Variants in PARD3 observed in about 807,000 individuals in gnomAD.
PARD3 encodes partitioning defective 3 homolog.
PARD3 carries 75 observed loss-of-function variants against 155.4 expected under a neutral mutation model. The ratio of observed to expected loss-of-function variants is 0.48; its 90% confidence interval spans 0.40 to 0.58. The LOEUF (loss-of-function observed/expected upper bound fraction) is 0.58. Among genes scored for constraint, PARD3 ranks in the 20% least tolerant of loss-of-function variants. The pLI, the probability that PARD3 is intolerant of heterozygous loss-of-function variation, is 0.00. For synonymous variants in PARD3, 576 were observed against 610.5 expected, an observed-to-expected ratio of 0.94 and a Z score of 0.83; for missense variants, 1,642 against 1,721.7, an observed-to-expected ratio of 0.95 and a Z score of 0.82.
intron 20 of PARD3, among the ~76,000 whole-genome samples, chr10:34,312,711 C>G (rs1341730421): frequency 6.6e-6 from 1 of 152,158 alleles, no homozygotes; most frequent in Non-Finnish European, 1.5e-5. Context: ...TGCAACATTT[C>G]TTTTGCTTTA....
intron 2 of PARD3, among the ~76,000 whole-genome samples, chr10:34,598,310 T>G (rs1270009706): frequency 6.6e-6 from 1 of 151,856 alleles, no homozygotes; most frequent in East Asian, 1.9e-4. Context: ...AAAAATGATA[T>G]TACAAATATA....
chr10:34,257,936 G>T (rs1045894096), intron 22 of PARD3, among the ~76,000 whole-genome samples: 1 of 152,168 alleles, frequency 6.6e-6, no homozygotes, highest in South Asian at 2.1e-4. Flanking sequence ...ATAGCTTAAT[G>T]GATGGTGATT....
At chr10:34,241,043 C>G (rs1953556419) in intron 22 of PARD3, among the ~76,000 whole-genome samples, 1 of 152,256 alleles carries the variant, frequency 6.6e-6, no homozygotes, top group African/African-American at 2.4e-5. Context: ...TAGAGTTACA[C>G]TTAAGAGGGC....
rs569004710 is a variant in PARD3 at position 34,600,631 on chromosome 10, A to C, written c.223-83472T>G. ...TACAGGCACTAAGGAACAGACTGAA[A>C]ATCTGAAAACAATTAGTCTGAAAAT... On this transcript the variant is annotated intron_variant, in intron 2 of 24. Transcript: ENST00000374788. 2.6e-5 allele frequency among the ~76,000 whole-genome samples: 4 copies of C among 152,298 alleles called. No homozygotes were observed. In the South Asian group the frequency reaches 8.3e-4, roughly 32 times the overall value.
In PARD3 at chr10:34,470,587, A is replaced by G. The variant is rs2078285030; in HGVS notation, c.404-324T>C. ...TTTCCAACTCAAATGAAAATAAAACAGTACCTCTTTCATCAGGGTAATGTA... is the reference window on the plus strand; with the variant it reads ...TTTCCAACTCAAATGAAAATAAAACGGTACCTCTTTCATCAGGGTAATGTA... On this transcript the variant is annotated intron_variant, in intron 3 of 24. Coordinates refer to ENST00000374788, the MANE Select transcript of PARD3 (RefSeq NM_001184785.2). 2.0e-5 allele frequency among the ~76,000 whole-genome samples: 3 copies of G among 152,324 alleles called. No homozygotes were observed. In the South Asian group the frequency reaches 6.2e-4, roughly 32 times the overall value.
intron 14 of PARD3, among the ~76,000 whole-genome samples, chr10:34,351,601 C>G (rs1322755877): frequency 6.6e-6 from 1 of 152,222 alleles, no homozygotes; most frequent in Non-Finnish European, 1.5e-5. Flanking sequence ...ATTTATTTTC[C>G]TTCACATCCC....
rs765919583 is a variant in PARD3, at chr10:34,269,858, C to T, written c.3218G>A (p.Arg1073Gln). 1.9e-5 allele frequency: 31 copies of T among 1,613,674 alleles called. No homozygotes were observed. Among genetic ancestry groups the T allele is most frequent in the Middle Eastern group, 1.6e-4 (1 of 6,078 alleles). The change falls in exon 22 of 25, where the codon CGA becomes CAA. Residue 1073 changes from arginine to glutamine, a missense_variant. This residue lies in a region of PARD3 where 1,529 missense variants were observed against 1,587.3 expected (regional missense o/e 0.96). Transcript: ENST00000374788. ...TTGAATTTCAGCATAGTCACGCTCT[C>T]GAGCTTGTCGTTCCCTAAATTCTCG... ...KTREFRERQA[R>Q]ERDYAEIQDF...
chr10:34,590,189 T>C (rs2088537365), intron 2 of PARD3, among the ~76,000 whole-genome samples: 1 of 152,136 alleles, frequency 6.6e-6, no homozygotes, highest in Non-Finnish European at 1.5e-5. Flanking sequence ...CACCAACCAC[T>C]CTTCAAATCT....
chr10:34,778,219 A>ATTGTGTGT (rs1839828597), intron 1 of PARD3, among the ~76,000 whole-genome samples: 1 of 152,214 alleles, frequency 6.6e-6, no homozygotes, highest in African/African-American at 2.4e-5. Context: ...GCTTTAGGCA[A>ATTGTGTGT]GACATTTAAG....
intron 2 of PARD3, among the ~76,000 whole-genome samples, chr10:34,530,503 G>T (rs770746913): frequency 5.9e-5 from 9 of 152,060 alleles, no homozygotes; most frequent in Non-Finnish European, 1.2e-4. Context: ...CTAAGCTGTG[G>T]TATCTATGAG....
Position 34,480,806 on chromosome 10 carries a change from T to C in PARD3, c.404-10543A>G, listed in dbSNP as rs1422867612. Among the ~76,000 whole-genome samples, 5 of 146,968 alleles carry C rather than the reference T, an allele frequency of 3.4e-5. No homozygotes were observed. In the South Asian group the frequency reaches 6.5e-4, roughly 19 times the overall value. On this transcript the variant is annotated intron_variant, in intron 3 of 24. Transcript: ENST00000374788. ...CAGGTTTCTTTTTCTTTTTTTTTTT[T>C]TTTTTTTCTTTTTTGAGACGGAGTC...
Position 34,110,218 on chromosome 10 carries a change from G to A in PARD3, c.*951C>T, listed in dbSNP as rs1946332389. The stretch of plus-strand genomic sequence containing the variant: ...TGCCTCTGACTTGAAAAACCGTAGA[G>A]AGCAGATCAAAATGACTGTCTGGTT... On this transcript the variant is annotated 3_prime_UTR_variant, in exon 25 of 25. Transcript: ENST00000374788. The A allele has an allele frequency of 6.6e-6, 1 of 152,234 alleles. No individual in the cohort carries two copies. Among genetic ancestry groups the A allele is most frequent in the African/African-American group, 2.4e-5 (1 of 41,458 alleles). 9.4% of individuals were successfully genotyped at this position (152,234 alleles called of 1,614,324 possible). A position where few individuals can be genotyped will look rare whatever the true frequency, so the allele number is the denominator to read the frequency against.
chr10:34,227,856 T>TTTATA (rs1554814033), intron 22 of PARD3, among the ~76,000 whole-genome samples: 1 of 82,278 alleles, frequency 1.2e-5, no homozygotes, highest in African/African-American at 5.9e-5. Flanking sequence ...GAATTATTTT[T>TTTATA]TATATATATA....
chr10:34,737,180 G>C lies in PARD3; in HGVS notation c.121-40761C>G, dbSNP rs146411068. On this transcript the variant is annotated intron_variant, in intron 1 of 24. Coordinates refer to ENST00000374788, the MANE Select transcript of PARD3 (RefSeq NM_001184785.2). ...AGTATTGACCTGGTCCCAAGAATAC[G>C]GGGTGTTTATTTAGGTGGTTGAGCA... Among the ~76,000 whole-genome samples, 685 of 152,262 alleles carry C rather than the reference G, an allele frequency of 4.5e-3. 2 individuals are homozygous for C. Among genetic ancestry groups the C allele is most frequent in the Non-Finnish European group, 7.5e-3 (511 of 68,028 alleles).
At chr10:34,535,599 G>C (rs1183303706) in intron 2 of PARD3, among the ~76,000 whole-genome samples, 1 of 151,966 alleles carries the variant, frequency 6.6e-6, no homozygotes, top group East Asian at 1.9e-4. Context: ...TGATTCTCCT[G>C]CCTCAGCTGG....
At chr10:34,351,761 G>A (rs1838108959) in intron 14 of PARD3, among the ~76,000 whole-genome samples, 1 of 152,206 alleles carries the variant, frequency 6.6e-6, no homozygotes, top group African/African-American at 2.4e-5. Context: ...TAAAGTGCCT[G>A]AACAACACAA....
At chr10:34,158,799 T>A (rs911977873) in intron 22 of PARD3, among the ~76,000 whole-genome samples, 1 of 152,220 alleles carries the variant, frequency 6.6e-6, no homozygotes, top group Non-Finnish European at 1.5e-5. Flanking sequence ...TTCTTAGATG[T>A]ATTTAATTTT....
chr10:34,169,825 T>A (rs1014305504), intron 22 of PARD3, among the ~76,000 whole-genome samples: 12 of 152,190 alleles, frequency 7.9e-5, no homozygotes, highest in African/African-American at 2.2e-4. Context: ...TACCTCTGCC[T>A]GGGGTTCTCT....
At chr10:34,177,485 A>G (rs1950084208) in intron 22 of PARD3, among the ~76,000 whole-genome samples, 1 of 152,226 alleles carries the variant, frequency 6.6e-6, no homozygotes, top group Admixed American at 6.5e-5. Flanking sequence ...AATGTTTAAG[A>G]AGGAAACCCT....
Sources: allele counts gnomAD v4.1 joint callset (sites outside exome capture counted in the v4.1 genomes callset), GRCh38; gene constraint gnomAD v4.1.1; regional missense constraint gnomAD v4.1.1; transcripts MANE v1.5; gene names NCBI Gene and HGNC (gene_info 2026-07-23, HGNC 2026-07-21).